Variants in PIAS2 observed in about 807,000 individuals in gnomAD.
PIAS2 encodes the protein E3 SUMO-protein ligase PIAS2.
A neutral mutation model predicts 69.7 loss-of-function variants in PIAS2; 19 were observed. The ratio of observed to expected loss-of-function variants is 0.27; its 90% CI spans 0.19 to 0.40. The LOEUF (loss-of-function observed/expected upper bound fraction) is 0.40, where lower values mean the gene tolerates loss of function less well. PIAS2 is among the 10% of genes least tolerant of loss of function. The pLI is 1.00. For synonymous variants in PIAS2, 261 were observed against 263.2 expected (o/e 0.99, Z 0.08); for missense variants, 624 against 757.0 (o/e 0.82, Z 2.06).
At chr18:46,887,079 G>A (rs533891528) in intron 2 of PIAS2, among the ~76,000 whole-genome samples, 3 of 152,110 alleles carry the variant, frequency 2.0e-5, no homozygotes, top group East Asian at 1.9e-4. Flanking sequence ...AGTCTAAAAC[G>A]TTCTTTTTAC....
chr18:46,827,948 A>T lies in PIAS2; in HGVS notation c.1508+11T>A, dbSNP rs757112134. On this transcript the variant is annotated intron_variant, in intron 11 of 13. Transcript: ENST00000585916. ...GGGTAATGAACAATAGTGAACTATA[A>T]ATTAACAAACCCTTTGGTTGGGCTG... The T allele has an allele frequency of 6.2e-7, 1 of 1,612,034 alleles. No homozygotes were observed. Among genetic ancestry groups the T allele is most frequent in the Non-Finnish European group, 8.5e-7 (1 of 1,178,716 alleles).
At chr18:46,841,894 T>C (rs1212039872) in intron 8 of PIAS2, among the ~76,000 whole-genome samples, 19 of 152,220 alleles carry the variant, frequency 1.2e-4, no homozygotes, top group African/African-American at 2.4e-5. Context: ...TATTCTTACA[T>C]AGAAGGAATC....
rs1022365596 is a variant in PIAS2, at chr18:46,889,208, G to A, written c.499+1372C>T. On this transcript the variant is annotated intron_variant, in intron 2 of 13. Coordinates refer to ENST00000585916, the MANE Select transcript of PIAS2 (RefSeq NM_004671.5). ...TCTTGGATATGACACCAAAGGCATA[G>A]GCAACAACAACAAAAAATAAACAAA... Among the ~76,000 whole-genome samples the A allele has an allele frequency of 1.7e-4, 26 of 152,102 alleles. 1 individual carries two copies. Among genetic ancestry groups the A allele is most frequent in the African/African-American group, 6.3e-4 (26 of 41,416 alleles).
At chr18:46,821,215 C>A in intron 11 of PIAS2, 143 bp from the exon 12 acceptor site, 1 of 694,762 alleles carries the variant, frequency 1.4e-6, no homozygotes, top group Non-Finnish European at 2.5e-6. Flanking sequence ...CAGCACTCCA[C>A]TCTACTCTCC....
At chr18:46,855,997 GT>G (rs1171297653) in intron 3 of PIAS2, among the ~76,000 whole-genome samples, 3,776 of 67,674 alleles carry the variant, frequency 0.056, 13 homozygotes, top group African/African-American at 0.086. Flanking sequence ...TTTTTCTTTT[GT>G]TTTTTTTTTT....
chr18:46,829,327 A>ACCATCCCCAAACCACCAAGGCC (rs1309457700), intron 10 of PIAS2, among the ~76,000 whole-genome samples: 1 of 152,190 alleles, frequency 6.6e-6, no homozygotes, highest in Non-Finnish European at 1.5e-5. Flanking sequence ...CTAACCTGTG[A>ACCATCCCCAAACCACCAAGGCC]CCATCCCCAA....
At chr18:46,910,299 C>G (rs1488180370) in intron 1 of PIAS2, among the ~76,000 whole-genome samples, 4 of 152,132 alleles carry the variant, frequency 2.6e-5, no homozygotes, top group Non-Finnish European at 5.9e-5. Flanking sequence ...TGGATGTGAT[C>G]AGGAAAGTGC....
intron 11 of PIAS2, among the ~76,000 whole-genome samples, chr18:46,826,481 C>A (rs2042869843): frequency 6.6e-6 from 1 of 152,210 alleles, no homozygotes; most frequent in Admixed American, 6.5e-5. Context: ...AACTGCAGTA[C>A]TTGCAACTCA....
chr18:46,824,377 A>ATTATGT (rs1341202180), intron 11 of PIAS2, among the ~76,000 whole-genome samples: 1 of 152,200 alleles, frequency 6.6e-6, no homozygotes, highest in East Asian at 1.9e-4. Flanking sequence ...ATTTATCCTT[A>ATTATGT]TTATGTTTCC....
intron 10 of PIAS2, 55 bp downstream of exon 10, chr18:46,829,679 T>C (rs971282916): frequency 1.6e-5 from 24 of 1,510,408 alleles, no homozygotes; most frequent in Non-Finnish European, 2.1e-5. Context: ...CCAAGATTAA[T>C]GATAATGTTG....
chr18:46,810,108 G>A lies in PIAS2; in HGVS notation c.*2325C>T, dbSNP rs2040903059. The A allele has an allele frequency of 6.6e-6, 1 of 151,678 alleles. No individual in the cohort carries two copies. The highest frequency in any genetic ancestry group is 1.5e-5 in the Non-Finnish European group (1 of 67,990). 9.4% of individuals were successfully genotyped at this position (151,678 alleles called of 1,614,324 possible). A position where few individuals can be genotyped will look rare whatever the true frequency, so the allele number is the denominator to read the frequency against. On this transcript the variant is annotated 3_prime_UTR_variant, in exon 14 of 14. Coordinates refer to ENST00000585916, the MANE Select transcript of PIAS2 (RefSeq NM_004671.5). The stretch of plus-strand genomic sequence containing the variant: ...GTATTTTTTAAAATGCAAGTTGCCT[G>A]TATGAAATAAATTAAAAATTTATAT...
chr18:46,913,681 C>T (rs1412674230), intron 1 of PIAS2, among the ~76,000 whole-genome samples: 1 of 152,042 alleles, frequency 6.6e-6, no homozygotes, highest in Non-Finnish European at 1.5e-5. Flanking sequence ...ATGACTGCCA[C>T]CAGCAGACCA....
intron 10 of PIAS2, among the ~76,000 whole-genome samples, chr18:46,829,333 C>G (rs1324267751): frequency 6.6e-6 from 1 of 152,044 alleles, no homozygotes; most frequent in Non-Finnish European, 1.5e-5. Context: ...TGTGACCATC[C>G]CCAAACCACC....
chr18:46,868,245 C>T (rs2049792135), intron 2 of PIAS2, among the ~76,000 whole-genome samples: 1 of 152,216 alleles, frequency 6.6e-6, no homozygotes, highest in South Asian at 2.1e-4. Flanking sequence ...CTTCCCTGTT[C>T]TTTGCTCTTA....
chr18:46,901,910 A>C (rs1362863684), intron 1 of PIAS2, among the ~76,000 whole-genome samples: 1 of 152,212 alleles, frequency 6.6e-6, no homozygotes, highest in Non-Finnish European at 1.5e-5. Context: ...ACAGTACTAA[A>C]AGTTCTAGCT....
At chr18:46,832,755 G>T (rs936926818) in intron 9 of PIAS2, among the ~76,000 whole-genome samples, 2 of 151,952 alleles carry the variant, frequency 1.3e-5, no homozygotes, top group Non-Finnish European at 2.9e-5. Context: ...AGCCAAGCGT[G>T]GTGGTGGGTG....
intron 1 of PIAS2, chr18:46,916,992 T>A (rs1259369465): frequency 1.0e-6 from 1 of 986,226 alleles, no homozygotes; most frequent in Admixed American, 6.1e-5. Flanking sequence ...GCTTCCCACA[T>A]CGGCCCTCAC....
chr18:46,902,413 A>G (rs962991565), intron 1 of PIAS2, among the ~76,000 whole-genome samples: 5 of 152,102 alleles, frequency 3.3e-5, no homozygotes, highest in Admixed American at 3.3e-4. Context: ...AAAAAAAATT[A>G]GCCATGCATG....
chr18:46,883,825 C>T (rs1247622037), intron 2 of PIAS2, among the ~76,000 whole-genome samples: 4 of 152,004 alleles, frequency 2.6e-5, no homozygotes, highest in Non-Finnish European at 5.9e-5. Flanking sequence ...AATTAAGTGA[C>T]CCTCTCTCAA....
Sources: allele counts gnomAD v4.1 joint callset (sites outside exome capture counted in the v4.1 genomes callset), GRCh38; gene constraint gnomAD v4.1.1; transcripts MANE v1.5; gene names NCBI Gene and HGNC (gene_info 2026-07-23, HGNC 2026-07-21).